Variants in GSK3B observed in about 807,000 individuals in gnomAD.
GSK3B encodes glycogen synthase kinase-3 beta.
In GSK3B, 15 loss-of-function variants were observed where a neutral mutation model predicts 56.4. The observed-to-expected ratio is 0.27, with a 90% CI of 0.18 to 0.41. The LOEUF is 0.41. Among genes scored for constraint, GSK3B ranks in the 10% least tolerant of loss-of-function variants. The pLI is 1.00. For missense variants in GSK3B, 300 were observed against 513.4 expected (o/e 0.58, Z 4.02); for synonymous variants, 181 against 188.9 (o/e 0.96, Z 0.34).
At chr3:119,963,804 T>C (rs1161867259) in intron 2 of GSK3B, among the ~76,000 whole-genome samples, 1 of 152,162 alleles carries the variant, frequency 6.6e-6, no homozygotes, top group Non-Finnish European at 1.5e-5. Flanking sequence ...TTGGAAAACC[T>C]GGATACCCAT....
intron 1 of GSK3B, among the ~76,000 whole-genome samples, chr3:120,043,003 A>G (rs889373941): frequency 2.6e-5 from 4 of 152,144 alleles, no homozygotes; most frequent in Admixed American, 6.5e-5. Context: ...CAAAAGACCA[A>G]TTCCTCAAGA....
At chr3:120,067,495 AAAACTTT>A (rs565416291) in intron 1 of GSK3B, among the ~76,000 whole-genome samples, 15 of 152,236 alleles carry the variant, frequency 9.9e-5, no homozygotes, top group Non-Finnish European at 2.1e-4. Flanking sequence ...GCCCTGACAT[AAAACTTT>A]ATAACAAAGT....
chr3:119,866,712 AT>A (rs2056187843), intron 8 of GSK3B: 6 of 840,232 alleles, frequency 7.1e-6, no homozygotes, highest in Non-Finnish European at 1.2e-5. Context: ...AATATATCCA[AT>A]GTTATAAGAA....
chr3:119,960,838 T>A (rs2057265132), intron 2 of GSK3B, among the ~76,000 whole-genome samples: 1 of 152,186 alleles, frequency 6.6e-6, no homozygotes, highest in Admixed American at 6.5e-5. Flanking sequence ...CACTATAATA[T>A]AAGCTTTAAA....
chr3:119,995,217 T>C (rs2057603214), intron 2 of GSK3B, among the ~76,000 whole-genome samples: 1 of 150,762 alleles, frequency 6.6e-6, no homozygotes, highest in South Asian at 2.1e-4. Context: ...ACACCTATGG[T>C]TATCTACTTG....
At chr3:119,852,580 T>A (rs1187620835) in intron 9 of GSK3B, among the ~76,000 whole-genome samples, 1 of 152,136 alleles carries the variant, frequency 6.6e-6, no homozygotes, top group Admixed American at 6.5e-5. Context: ...ACTCTTTACC[T>A]CATGTGATCT....
At chr3:120,028,895 GA>G in intron 1 of GSK3B, 1 of 513,546 alleles carries the variant, frequency 1.9e-6, no homozygotes, top group Non-Finnish European at 3.7e-6. Context: ...TGTGGATTCA[GA>G]AAAGCACCCA....
At chr3:119,946,086 A>C (rs79349360) in intron 3 of GSK3B, among the ~76,000 whole-genome samples, 1 of 135,936 alleles carries the variant, frequency 7.4e-6, no homozygotes, top group Non-Finnish European at 1.5e-5. Flanking sequence ...ATTTAAACTG[A>C]AAAAAAAAAA....
intron 1 of GSK3B, among the ~76,000 whole-genome samples, chr3:120,051,070 G>C (rs950660913): frequency 6.6e-6 from 1 of 151,310 alleles, no homozygotes; most frequent in African/African-American, 2.4e-5. Context: ...AGAAATCAGT[G>C]GGCCAAACAC....
chr3:120,032,046 G>A (rs764114582), intron 1 of GSK3B, among the ~76,000 whole-genome samples: 37 of 152,042 alleles, frequency 2.4e-4, no homozygotes, highest in Admixed American at 5.2e-4. Context: ...TGAATCGAAC[G>A]TTCTGAAATG....
At chr3:119,896,736 G>A (rs962051820) in intron 7 of GSK3B, among the ~76,000 whole-genome samples, 2 of 152,126 alleles carry the variant, frequency 1.3e-5, no homozygotes, top group African/African-American at 4.8e-5. Context: ...GAATTCCTTA[G>A]TAAAACATAG....
intron 3 of GSK3B, among the ~76,000 whole-genome samples, chr3:119,929,310 T>C (rs2056920399): frequency 6.6e-6 from 1 of 152,204 alleles, no homozygotes; most frequent in Non-Finnish European, 1.5e-5. Context: ...TTAACACAGA[T>C]GTCAAAACCA....
intron 1 of GSK3B, among the ~76,000 whole-genome samples, chr3:120,016,375 C>A (rs1263453905): frequency 6.6e-6 from 1 of 152,152 alleles, no homozygotes; most frequent in African/African-American, 2.4e-5. Context: ...GTGACATACT[C>A]AGAACACTCA....
chr3:119,831,752 A>T (rs948611430), intron 10 of GSK3B, among the ~76,000 whole-genome samples: 1 of 152,206 alleles, frequency 6.6e-6, no homozygotes, highest in Admixed American at 6.5e-5. Context: ...GTGTACAGAG[A>T]TATAAGTGCT....
At chr3:119,850,472 C>T (rs1405042909) in intron 9 of GSK3B, among the ~76,000 whole-genome samples, 1 of 152,140 alleles carries the variant, frequency 6.6e-6, no homozygotes, top group Non-Finnish European at 1.5e-5. Context: ...TGTGAGGAAG[C>T]CTCCTTGCAC....
At chr3:120,083,127 C>T (rs2058435124) in intron 1 of GSK3B, among the ~76,000 whole-genome samples, 1 of 152,030 alleles carries the variant, frequency 6.6e-6, no homozygotes. Flanking sequence ...AGCTTCTTAA[C>T]TGCCCTTTTG....
At position 119,824,952 on chromosome 3, in the gene GSK3B, A is replaced by G. The variant is rs942923784; in HGVS notation, c.*1836T>C. 8.8e-5 allele frequency: 16 copies of G among 181,660 alleles called. No individual in the cohort carries two copies. The highest frequency in any genetic ancestry group is 1.8e-4 in the Non-Finnish European group (15 of 85,166). The allele number at this position is 181,660 out of a possible 1,614,324, so 11.3% of individuals were successfully genotyped here. Reference sequence around the variant, plus strand: ...TGCAGGAGGGCTGCCAACAGACTCCACTTCCGAACCCTCTGGAGGACGAGA... The same window carrying G: ...TGCAGGAGGGCTGCCAACAGACTCCGCTTCCGAACCCTCTGGAGGACGAGA... On this transcript the variant is annotated 3_prime_UTR_variant, in exon 11 of 11. Coordinates refer to ENST00000264235, the MANE Select transcript of GSK3B (RefSeq NM_001146156.2).
At chr3:119,945,303 T>A (rs774440057) in intron 3 of GSK3B, among the ~76,000 whole-genome samples, 54 of 152,168 alleles carry the variant, frequency 3.5e-4, no homozygotes, top group Non-Finnish European at 5.7e-4. Flanking sequence ...TATCTTTTTT[T>A]AAAAAAATTT....
intron 2 of GSK3B, among the ~76,000 whole-genome samples, chr3:119,967,813 C>T (rs1360156489): frequency 3.0e-5 from 4 of 135,586 alleles, no homozygotes; most frequent in African/African-American, 5.7e-5. Context: ...TCTCTCCCTC[C>T]CTCCCTTTCT....
Sources: gnomAD v4.1 joint callset for allele counts (sites outside exome capture counted in the v4.1 genomes callset) on GRCh38, gnomAD v4.1.1 for gene constraint, MANE v1.5 for transcripts, NCBI Gene and HGNC (gene_info 2026-07-23, HGNC 2026-07-21) for gene names.